Variants in RNF17 observed in about 807,000 individuals in gnomAD.
RNF17 encodes spermatogenesis associated 23.
A neutral mutation model predicts 200.5 loss-of-function variants in RNF17; 31 were observed. The observed-to-expected ratio is 0.15, with a 90% CI of 0.12 to 0.21. The LOEUF (loss-of-function observed/expected upper bound fraction) is 0.21, where lower values mean the gene tolerates loss of function less well. RNF17 is among the 10% of genes least tolerant of loss of function. The pLI, the probability that RNF17 is intolerant of heterozygous loss-of-function variation, is 1.00. For synonymous variants in RNF17, 606 were observed against 637.8 expected (o/e 0.95, Z 0.75); for missense variants, 1,628 against 1,905.1 (o/e 0.85, Z 2.71).
intron 18 of RNF17, among the ~76,000 whole-genome samples, chr13:24,840,444 A>G (rs552579961): frequency 1.3e-5 from 2 of 152,330 alleles, no homozygotes; most frequent in South Asian, 4.1e-4. Flanking sequence ...TAGCAGCACA[A>G]TTCACAATTG....
rs542414882 is a variant in RNF17 at position 24,852,136 on chromosome 13, C to CT, written c.3320+583dup. Among the ~76,000 whole-genome samples the CT allele has an allele frequency of 8.9e-3, 1,102 of 123,338 alleles. 28 individuals carry two copies. Among genetic ancestry groups the CT allele is most frequent in the East Asian group, 0.078 (337 of 4,304 alleles). 80.9% of individuals were successfully genotyped at this position (123,338 alleles called of 152,430 possible). The stretch of plus-strand genomic sequence containing the variant: ...CTAGCTTAATCTTTTCTCTCTCTCT[C>CT]TTTTTTTTTTTTTTTTTTCTGAGAC... On this transcript the variant is annotated intron_variant, in intron 24 of 35. Transcript: ENST00000255324.
intron 28 of RNF17, among the ~76,000 whole-genome samples, chr13:24,863,548 G>A (rs1893318425): frequency 1.3e-5 from 2 of 152,162 alleles, no homozygotes; most frequent in Admixed American, 6.6e-5. Context: ...TGCAGGGCCT[G>A]AATGGGAAGA....
intron 15 of RNF17, among the ~76,000 whole-genome samples, chr13:24,824,031 G>A (rs1888371971): frequency 6.6e-6 from 1 of 152,196 alleles, no homozygotes; most frequent in Non-Finnish European, 1.5e-5. Context: ...TCAGGGGAGG[G>A]AACTGAGAAC....
chr13:24,773,344 C>T lies in RNF17; in HGVS notation c.226-1469C>T, dbSNP rs536088238. On this transcript the variant is annotated intron_variant, in intron 2 of 35. Coordinates refer to ENST00000255324, the MANE Select transcript of RNF17 (RefSeq NM_031277.3). ...TGGGTTGAATAAAGAAAATGTTGTACGTATACACCACAGAATACTATGCAG... is the reference window on the plus strand; with the variant it reads ...TGGGTTGAATAAAGAAAATGTTGTATGTATACACCACAGAATACTATGCAG... 7.9e-5 allele frequency among the ~76,000 whole-genome samples: 12 copies of T among 152,212 alleles called. No individual in the cohort carries two copies. The East Asian group carries it at 1.7e-3, about 22-fold the overall frequency.
At chr13:24,806,803 C>G (rs1243647771) in intron 15 of RNF17, among the ~76,000 whole-genome samples, 1 of 122,932 alleles carries the variant, frequency 8.1e-6, no homozygotes, top group East Asian at 2.8e-4. Flanking sequence ...CCCCCCTCCC[C>G]CCACCCCAAA....
chr13:24,797,712 G>GTCTCTGTGTA (rs1471088786), intron 11 of RNF17, among the ~76,000 whole-genome samples: 2 of 148,904 alleles, frequency 1.3e-5, no homozygotes, highest in Non-Finnish European at 3.0e-5. Context: ...AAGAGTGTGT[G>GTCTCTGTGTA]TGTGTGTGTG....
intron 17 of RNF17, among the ~76,000 whole-genome samples, chr13:24,831,441 CA>C (rs1281382091): frequency 2.0e-5 from 3 of 151,422 alleles, no homozygotes; most frequent in Non-Finnish European, 4.4e-5. Context: ...GACTCGGTCT[CA>C]AAGAAAAAAA....
chr13:24,873,618 C>T (rs182246222), intron 32 of RNF17, among the ~76,000 whole-genome samples: 8 of 151,452 alleles, frequency 5.3e-5, no homozygotes, highest in Non-Finnish European at 8.9e-5. Context: ...AACTAGGCAC[C>T]CTACTCTGCT....
chr13:24,825,824 T>C lies in RNF17; in HGVS notation c.2245+52T>C, dbSNP rs779205806. On this transcript the variant is annotated intron_variant, in intron 16 of 35. Coordinates refer to ENST00000255324, the MANE Select transcript of RNF17 (RefSeq NM_031277.3). ...GGGAGATGTCATACTTCAAAACTAA[T>C]ATCATTTGAGTTGGTACCAATTCAA... 3 of 1,559,438 alleles carry C rather than the reference T, an allele frequency of 1.9e-6. No individual in the cohort carries two copies. In the South Asian group the frequency reaches 3.6e-5, roughly 18 times the overall value.
intron 25 of RNF17, among the ~76,000 whole-genome samples, chr13:24,858,040 A>G (rs1346146306): frequency 6.6e-6 from 1 of 152,164 alleles, no homozygotes; most frequent in Non-Finnish European, 1.5e-5. Context: ...AATGCTGCAA[A>G]TGCTTCCTGA....
intron 4 of RNF17, 35 bp downstream of exon 4, chr13:24,778,441 G>A (rs928193300): frequency 1.5e-6 from 2 of 1,351,290 alleles, no homozygotes; most frequent in East Asian, 2.3e-5. Flanking sequence ...TACGATGAAG[G>A]CAAACGTTTG....
chr13:24,865,293 C>G (rs1893500868), intron 29 of RNF17, among the ~76,000 whole-genome samples: 1 of 152,128 alleles, frequency 6.6e-6, no homozygotes, highest in African/African-American at 2.4e-5. Flanking sequence ...ATTCTAAAAT[C>G]TTTATAGAAT....
chr13:24,844,225 C>T (rs1890996017), intron 20 of RNF17, among the ~76,000 whole-genome samples: 1 of 152,086 alleles, frequency 6.6e-6, no homozygotes, highest in South Asian at 2.1e-4. Context: ...TAGGGATACC[C>T]TGGTATAAAA....
intron 1 of RNF17, 55 bp downstream of exon 1, chr13:24,764,388 G>C (rs979951775): frequency 2.6e-6 from 4 of 1,510,408 alleles, no homozygotes; most frequent in Non-Finnish European, 3.6e-6. Flanking sequence ...GAGCGCTGGG[G>C]GCCAGGTGAG....
At position 24,832,400 on chromosome 13, in the gene RNF17, A is replaced by C. The variant is rs143284800; in HGVS notation, c.2482+422A>C. Among the ~76,000 whole-genome samples the C allele has an allele frequency of 1.1e-3, 160 of 152,298 alleles. 1 individual carries two copies. The highest frequency in any genetic ancestry group is 3.3e-3 in the African/African-American group (137 of 41,554). ...ACAAATTCAACTGTGGGTTCTCAGC[A>C]TAATTTGAAAAAAGTTATTCCTTTT... On this transcript the variant is annotated intron_variant, in intron 18 of 35. Coordinates refer to ENST00000255324, the MANE Select transcript of RNF17 (RefSeq NM_031277.3).
chr13:24,815,428 G>GGTGT (rs60054136), intron 15 of RNF17, among the ~76,000 whole-genome samples: 1,583 of 144,134 alleles, frequency 0.011, 7 homozygotes, highest in East Asian at 0.034. Context: ...GCCCTAACGG[G>GGTGT]GTGTGTGTGT....
chr13:24,852,361 A>T (rs540805589), intron 24 of RNF17, among the ~76,000 whole-genome samples: 1,737 of 152,042 alleles, frequency 0.011, 76 homozygotes, highest in Admixed American at 0.081. Flanking sequence ...GATGGCCTCG[A>T]TCTCCTGACC....
chr13:24,800,270 G>A, intron 12 of RNF17, 96 bp from the exon 13 acceptor site: 1 of 839,184 alleles, frequency 1.2e-6, no homozygotes, highest in Non-Finnish European at 1.8e-6. Flanking sequence ...TGTAACTTAA[G>A]AAAAATTATA....
intron 1 of RNF17, among the ~76,000 whole-genome samples, chr13:24,765,540 A>G (rs1468815131): frequency 6.6e-6 from 1 of 152,216 alleles, no homozygotes; most frequent in Non-Finnish European, 1.5e-5. Flanking sequence ...TTCAGTGGAG[A>G]ACCAAGTTTC....
Sources: allele counts gnomAD v4.1 joint callset (sites outside exome capture counted in the v4.1 genomes callset), GRCh38; gene constraint gnomAD v4.1.1; transcripts MANE v1.5; gene names NCBI Gene and HGNC (gene_info 2026-07-23, HGNC 2026-07-21).